The following PRKCB variants were observed in gnomAD, a reference collection of about 807,000 sequenced individuals.
PRKCB encodes the protein protein kinase C beta.
In PRKCB, 13 loss-of-function variants were observed where a neutral mutation model predicts 81.5. That is an observed-to-expected ratio of 0.16 (90% CI 0.10 to 0.25). PRKCB has a LOEUF of 0.25. Among genes scored for constraint, PRKCB ranks in the 10% least tolerant of loss-of-function variants. The pLI is 1.00. For missense variants in PRKCB, 509 were observed against 875.7 expected (o/e 0.58, Z 5.29); for synonymous variants, 335 against 321.4 (o/e 1.04, Z -0.45).
At chr16:24,162,633 G>A (rs1199715726) in intron 10 of PRKCB, among the ~76,000 whole-genome samples, 2 of 151,570 alleles carry the variant, frequency 1.3e-5, no homozygotes, top group African/African-American at 4.8e-5. Flanking sequence ...AAATTTTTTT[G>A]TAGAGATGGG....
chr16:24,036,116 A>G (rs924451538), intron 5 of PRKCB, among the ~76,000 whole-genome samples: 1 of 152,104 alleles, frequency 6.6e-6, no homozygotes, highest in African/African-American at 2.4e-5. Flanking sequence ...TAATTTTATT[A>G]TTCTCTATAT....
chr16:24,165,181 C>T (rs1345392909), intron 10 of PRKCB, among the ~76,000 whole-genome samples: 2 of 152,186 alleles, frequency 1.3e-5, no homozygotes, highest in African/African-American at 2.4e-5. Context: ...GCTGAGACTA[C>T]AGGTGTGCGC....
chr16:24,001,381 C>T (rs566720892), intron 3 of PRKCB, among the ~76,000 whole-genome samples: 1 of 152,266 alleles, frequency 6.6e-6, no homozygotes, highest in East Asian at 1.9e-4. Context: ...ATGGTAGACA[C>T]TAATGTTGAC....
intron 5 of PRKCB, among the ~76,000 whole-genome samples, chr16:24,049,313 G>A (rs1965810522): frequency 6.6e-6 from 1 of 150,888 alleles, no homozygotes; most frequent in Admixed American, 6.6e-5. Context: ...TCCGGGACCT[G>A]CACCCTTAAC....
At chr16:24,190,103 T>C (rs535313535) in intron 15 of PRKCB, among the ~76,000 whole-genome samples, 1 of 152,240 alleles carries the variant, frequency 6.6e-6, no homozygotes, top group South Asian at 2.1e-4. Context: ...GACCCAAAGA[T>C]GGAGGGTTTT....
chr16:24,178,176 G>A (rs1489169323), intron 12 of PRKCB, among the ~76,000 whole-genome samples: 1 of 152,202 alleles, frequency 6.6e-6, no homozygotes, highest in Non-Finnish European at 1.5e-5. Flanking sequence ...GAGATGTTGG[G>A]TTGTGGGGTG....
chr16:23,919,340 C>T (rs975325103), intron 2 of PRKCB, among the ~76,000 whole-genome samples: 1 of 147,588 alleles, frequency 6.8e-6, no homozygotes, highest in Admixed American at 6.8e-5. Flanking sequence ...TGTGAATATG[C>T]TTTGAATACT....
intron 2 of PRKCB, among the ~76,000 whole-genome samples, chr16:23,886,810 G>C (rs188413362): frequency 3.9e-5 from 6 of 152,128 alleles, no homozygotes; most frequent in Admixed American, 2.6e-4. Flanking sequence ...TGCTCTATCT[G>C]TCCCCTTCAT....
At chr16:24,110,352 C>G (rs567340769) in intron 7 of PRKCB, among the ~76,000 whole-genome samples, 1 of 151,732 alleles carries the variant, frequency 6.6e-6, no homozygotes, top group Non-Finnish European at 1.5e-5. Flanking sequence ...GCTGGGACTA[C>G]GGGCGCGTGC....
At chr16:24,134,537 G>A (rs1416660100) in intron 9 of PRKCB, among the ~76,000 whole-genome samples, 1 of 152,156 alleles carries the variant, frequency 6.6e-6, no homozygotes, top group African/African-American at 2.4e-5. Flanking sequence ...ACGAGGTCAG[G>A]AGTTTGAGAC....
rs1567347153 is a variant in PRKCB, at chr16:24,021,226, CTTT to C, written c.289-10909_289-10907del. 5.7e-4 allele frequency among the ~76,000 whole-genome samples: 13 copies of C among 22,620 alleles called. 2 individuals are homozygous for C. The highest frequency in any genetic ancestry group is 1.8e-3 in the African/African-American group (8 of 4,570). The allele number at this position is 22,620 out of a possible 152,430, so 14.8% of individuals were successfully genotyped here. A position where few individuals can be genotyped will look rare whatever the true frequency, so the allele number is the denominator to read the frequency against. ...TCTTTCTTTCTTTCTTTCTTTCTTT[CTTT>C]CTTTCCTTCCTTCCTTCCTTCTTCC... is the stretch of plus-strand genomic sequence containing the variant. On this transcript the variant is annotated intron_variant, in intron 3 of 16. Coordinates refer to ENST00000643927, the MANE Select transcript of PRKCB (RefSeq NM_002738.7).
At chr16:24,201,455 C>T (rs1967956053) in intron 16 of PRKCB, among the ~76,000 whole-genome samples, 3 of 152,116 alleles carry the variant, frequency 2.0e-5, no homozygotes, top group Admixed American at 1.3e-4. Context: ...AATTTATGTC[C>T]CATTATCTCT....
At chr16:24,000,090 A>G (rs1008086965) in intron 3 of PRKCB, among the ~76,000 whole-genome samples, 2 of 152,190 alleles carry the variant, frequency 1.3e-5, no homozygotes, top group African/African-American at 4.8e-5. Flanking sequence ...CTAATGTCCT[A>G]AAAAGCTAGT....
intron 5 of PRKCB, among the ~76,000 whole-genome samples, chr16:24,039,622 G>A (rs1567353406): frequency 6.6e-6 from 1 of 152,212 alleles, no homozygotes; most frequent in African/African-American, 2.4e-5. Flanking sequence ...AGGCTGCTGG[G>A]GATGGAGGTG....
intron 2 of PRKCB, among the ~76,000 whole-genome samples, chr16:23,907,086 T>G (rs1489013870): frequency 5.3e-5 from 8 of 152,172 alleles, no homozygotes; most frequent in African/African-American, 1.9e-4. Flanking sequence ...GGGGGTGGAA[T>G]AGGTCTTTGT....
At chr16:23,964,962 G>T (rs1448346006) in intron 2 of PRKCB, among the ~76,000 whole-genome samples, 2 of 152,182 alleles carry the variant, frequency 1.3e-5, no homozygotes, top group Non-Finnish European at 2.9e-5. Context: ...GAGCTACCAT[G>T]CCTGGTCTCA....
chr16:23,857,201 C>T (rs1425672591), intron 2 of PRKCB, among the ~76,000 whole-genome samples: 2 of 152,134 alleles, frequency 1.3e-5, no homozygotes, highest in African/African-American at 2.4e-5. Flanking sequence ...TTGGTTTTGG[C>T]GGAACTGCCT....
At chr16:24,107,929 G>A (rs1966599080) in intron 7 of PRKCB, among the ~76,000 whole-genome samples, 1 of 152,158 alleles carries the variant, frequency 6.6e-6, no homozygotes, top group African/African-American at 2.4e-5. Flanking sequence ...AAATAATATT[G>A]AATTGTGCCC....
At chr16:24,096,094 G>A (rs757263358) in intron 7 of PRKCB, among the ~76,000 whole-genome samples, 40 of 152,136 alleles carry the variant, frequency 2.6e-4, no homozygotes, top group Admixed American at 1.8e-3. Flanking sequence ...TCGGGAGATC[G>A]AGACCATCCT....
Sources: gnomAD v4.1 joint callset for allele counts (sites outside exome capture counted in the v4.1 genomes callset) on GRCh38, gnomAD v4.1.1 for gene constraint, MANE v1.5 for transcripts, NCBI Gene and HGNC (gene_info 2026-07-23, HGNC 2026-07-21) for gene names.